Variants in CFDP1 observed in about 807,000 individuals in gnomAD.
CFDP1 encodes chromatin remodeling protein CFDP1.
A neutral mutation model predicts 40.1 loss-of-function variants in CFDP1; 31 were observed. That is an observed-to-expected ratio of 0.77 (90% CI 0.58 to 1.04). CFDP1 has a LOEUF of 1.04. Ranked by LOEUF, CFDP1 falls within the 50% of genes least tolerant of loss-of-function variation. The probability of loss-of-function intolerance (pLI) is 0.00; values close to 1 mark genes in which losing one functional copy is unlikely to be tolerated. For synonymous variants in CFDP1, 167 were observed against 120.0 expected (o/e 1.39, Z -2.56); for missense variants, 423 against 343.4 (o/e 1.23, Z -1.83).
intron 5 of CFDP1, among the ~76,000 whole-genome samples, chr16:75,393,603 C>T (rs2078970444): frequency 1.3e-5 from 2 of 150,726 alleles, no homozygotes; most frequent in South Asian, 2.1e-4. Flanking sequence ...CGGTGGCGGG[C>T]GCCTGTAGTC....
chr16:75,366,564 A>G (rs991969657), intron 5 of CFDP1, among the ~76,000 whole-genome samples: 1 of 152,122 alleles, frequency 6.6e-6, no homozygotes, highest in African/African-American at 2.4e-5. Flanking sequence ...CGGAGGTTGC[A>G]GTGAGCCGAG....
intron 5 of CFDP1, among the ~76,000 whole-genome samples, chr16:75,366,807 A>C: frequency 6.6e-6 from 1 of 152,042 alleles, no homozygotes; most frequent in East Asian, 1.9e-4. Flanking sequence ...GCAGAAGGAA[A>C]CTTTTTGGGT....
intron 5 of CFDP1, among the ~76,000 whole-genome samples, chr16:75,357,630 C>T (rs2078653420): frequency 6.6e-6 from 1 of 152,170 alleles, no homozygotes. Context: ...AGCTTCCTCT[C>T]CCTCAGCCTT....
At chr16:75,337,805 A>T (rs923902876) in intron 5 of CFDP1, among the ~76,000 whole-genome samples, 2 of 152,196 alleles carry the variant, frequency 1.3e-5, no homozygotes, top group Non-Finnish European at 2.9e-5. Context: ...CCCTCCTCCA[A>T]TGCTGGGGAT....
intron 4 of CFDP1, among the ~76,000 whole-genome samples, chr16:75,405,839 AG>A (rs930040437): frequency 7.0e-4 from 105 of 150,738 alleles, no homozygotes; most frequent in African/African-American, 2.4e-3. Flanking sequence ...GGACTGCCTG[AG>A]CCCAGGAGGC....
intron 5 of CFDP1, among the ~76,000 whole-genome samples, chr16:75,390,172 G>C (rs2078935226): frequency 6.6e-6 from 1 of 152,126 alleles, no homozygotes; most frequent in Non-Finnish European, 1.5e-5. Context: ...TAGCTCCCAA[G>C]GTAGCTCCTG....
intron 5 of CFDP1, among the ~76,000 whole-genome samples, chr16:75,352,422 T>C (rs2078619310): frequency 6.6e-6 from 1 of 152,002 alleles, no homozygotes; most frequent in Non-Finnish European, 1.5e-5. Flanking sequence ...CCTATATGAA[T>C]TGGGAACCAA....
intron 5 of CFDP1, among the ~76,000 whole-genome samples, chr16:75,327,872 C>T (rs1378913450): frequency 3.9e-5 from 6 of 152,082 alleles, no homozygotes; most frequent in African/African-American, 7.2e-5. Flanking sequence ...TACAGGTACC[C>T]GCCACCACAC....
chr16:75,340,559 C>T (rs1014240365), intron 5 of CFDP1, among the ~76,000 whole-genome samples: 5 of 152,064 alleles, frequency 3.3e-5, no homozygotes, highest in African/African-American at 1.2e-4. Context: ...AATGTCATTG[C>T]CTTTGGGGTA....
intron 5 of CFDP1, among the ~76,000 whole-genome samples, chr16:75,374,127 C>T (rs1382608207): frequency 6.6e-6 from 1 of 151,956 alleles, no homozygotes; most frequent in Non-Finnish European, 1.5e-5. Context: ...GTGGTGGGTG[C>T]CTATAGTCCC....
In CFDP1 at chr16:75,400,297, A is replaced by G. The variant is rs976172881; in HGVS notation, c.531-5088T>C. ...CTGTCTCAAAACAAAAAACAAAACA[A>G]AACAAAAAAGAAGGTAGAAAGCAAG... On this transcript the variant is annotated intron_variant, in intron 4 of 6. Coordinates refer to ENST00000283882, the MANE Select transcript of CFDP1 (RefSeq NM_006324.3). Among the ~76,000 whole-genome samples the G allele has an allele frequency of 1.9e-4, 29 of 151,948 alleles. No homozygotes were observed. The South Asian group carries it at 5.6e-3, about 29-fold the overall frequency.
intron 5 of CFDP1, among the ~76,000 whole-genome samples, chr16:75,306,876 A>G (rs543817184): frequency 7.6e-6 from 1 of 131,996 alleles, no homozygotes; most frequent in East Asian, 2.0e-4. Flanking sequence ...TGTGCGCGTG[A>G]TCACACACAC....
intron 4 of CFDP1, among the ~76,000 whole-genome samples, chr16:75,406,881 C>T (rs1179417576): frequency 2.0e-5 from 3 of 151,868 alleles, no homozygotes; most frequent in Non-Finnish European, 4.4e-5. Context: ...ATTAGCCAGG[C>T]GTGGTGGCAG....
At chr16:75,362,661 G>A (rs549019642) in intron 5 of CFDP1, among the ~76,000 whole-genome samples, 65 of 151,870 alleles carry the variant, frequency 4.3e-4, no homozygotes, top group Admixed American at 5.9e-4. Context: ...ATTCCTTCAG[G>A]TGTTATAAAA....
chr16:75,304,210 A>C (rs2078242799), intron 6 of CFDP1, among the ~76,000 whole-genome samples: 1 of 152,032 alleles, frequency 6.6e-6, no homozygotes, highest in Admixed American at 6.6e-5. Flanking sequence ...CTGGGATTAC[A>C]AGTGTGCACC....
At chr16:75,429,822 C>T (rs1031902219) in intron 1 of CFDP1, among the ~76,000 whole-genome samples, 6 of 152,196 alleles carry the variant, frequency 3.9e-5, no homozygotes, top group Admixed American at 2.6e-4. Context: ...TTAGCAGTGT[C>T]GACGAAAAGA....
chr16:75,333,569 G>C (rs2078463826), intron 5 of CFDP1, among the ~76,000 whole-genome samples: 1 of 152,198 alleles, frequency 6.6e-6, no homozygotes, highest in Admixed American at 6.5e-5. Context: ...GCTTTTAGAA[G>C]CCAATTCTCT....
chr16:75,304,912 G>T, intron 6 of CFDP1, 112 bp downstream of exon 6: 1 of 1,134,598 alleles, frequency 8.8e-7, no homozygotes, highest in East Asian at 2.4e-5. Flanking sequence ...CACATTTTTA[G>T]TTCCATCATG....
chr16:75,318,319 G>A (rs536498387), intron 5 of CFDP1, among the ~76,000 whole-genome samples: 66 of 152,160 alleles, frequency 4.3e-4, no homozygotes, highest in African/African-American at 1.5e-3. Flanking sequence ...AAGTCAACAG[G>A]ACAAAGCACT....
Sources: gnomAD v4.1 joint callset for allele counts (sites outside exome capture counted in the v4.1 genomes callset) on GRCh38, gnomAD v4.1.1 for gene constraint, MANE v1.5 for transcripts, NCBI Gene and HGNC (gene_info 2026-07-23, HGNC 2026-07-21) for gene names.